PBX1: variants seen among roughly 807,000 people sequenced by gnomAD.
PBX1 encodes pre-B-cell leukemia transcription factor 1.
Under a neutral mutation model 53.4 loss-of-function variants are expected in PBX1, and 6 were observed. The ratio of observed to expected loss-of-function variants is 0.11; its 90% CI spans 0.06 to 0.22. PBX1 has a LOEUF of 0.22. Ranked by LOEUF, PBX1 falls within the 10% of genes least tolerant of loss-of-function variation. The pLI, the probability that PBX1 is intolerant of heterozygous loss-of-function variation, is 1.00. For synonymous variants in PBX1, 204 were observed against 212.3 expected (o/e 0.96, Z 0.34); for missense variants, 251 against 551.4 (o/e 0.46, Z 5.46).
rs74747780 is a variant in PBX1 at position 164,786,681 on chromosome 1, C to CTGTG, written c.266-5776_266-5773dup. Reference sequence around the variant, plus strand: ...GGTGTGCCTTGGGCATCAGAAGAGACTGTGTGTGTGTGTGTGTGTGTGTGT... The same window carrying CTGTG: ...GGTGTGCCTTGGGCATCAGAAGAGACTGTGTGTGTGTGTGTGTGTGTGTGTGTGT... On this transcript the variant is annotated intron_variant, in intron 2 of 8. Transcript: ENST00000420696. Among the ~76,000 whole-genome samples, 874 of 140,582 alleles carry CTGTG rather than the reference C, an allele frequency of 6.2e-3. 4 individuals are homozygous for CTGTG. Among genetic ancestry groups the CTGTG allele is most frequent in the South Asian group, 0.013 (53 of 4,078 alleles). 92.2% of individuals were successfully genotyped at this position (140,582 alleles called of 152,430 possible).
chr1:164,589,760 T>C (rs754700904), intron 2 of PBX1, among the ~76,000 whole-genome samples: 11 of 152,184 alleles, frequency 7.2e-5, no homozygotes, highest in Non-Finnish European at 1.5e-4. Flanking sequence ...GTTCCTAAGA[T>C]TGAATTGCTG....
chr1:164,700,789 T>G (rs1663073891), intron 2 of PBX1: 1 of 952,008 alleles, frequency 1.1e-6, no homozygotes, highest in South Asian at 5.0e-5. Context: ...CTATGACTTT[T>G]TTCACCCATC....
intron 8 of PBX1, among the ~76,000 whole-genome samples, chr1:164,823,633 C>T (rs1199257556): frequency 6.7e-6 from 1 of 149,456 alleles, no homozygotes; most frequent in East Asian, 2.0e-4. Context: ...GGGGGGTCAA[C>T]ACTGACCCCT....
chr1:164,599,146 T>A (rs1040651415), intron 2 of PBX1, among the ~76,000 whole-genome samples: 19 of 151,012 alleles, frequency 1.3e-4, no homozygotes, highest in Non-Finnish European at 2.7e-4. Flanking sequence ...CTCTTTTCAT[T>A]CTCTCCCAAT....
At chr1:164,661,577 C>G (rs1660497485) in intron 2 of PBX1, among the ~76,000 whole-genome samples, 3 of 152,020 alleles carry the variant, frequency 2.0e-5, no homozygotes, top group Admixed American at 6.6e-5. Flanking sequence ...CAGGCCTCCA[C>G]CACCATGCCT....
chr1:164,606,804 A>G (rs1432769020), intron 2 of PBX1, among the ~76,000 whole-genome samples: 2 of 152,254 alleles, frequency 1.3e-5, no homozygotes, highest in African/African-American at 4.8e-5. Flanking sequence ...ATATTTGCAC[A>G]TTTTATAAGA....
intron 2 of PBX1, among the ~76,000 whole-genome samples, chr1:164,775,370 C>T (rs181897767): frequency 2.1e-3 from 327 of 152,184 alleles, no homozygotes; most frequent in Non-Finnish European, 3.8e-3. Context: ...AGGACTATGG[C>T]GGGACAAGTT....
intron 2 of PBX1, among the ~76,000 whole-genome samples, chr1:164,730,358 G>A (rs562043917): frequency 2.6e-5 from 4 of 152,294 alleles, no homozygotes; most frequent in South Asian, 4.2e-4. Context: ...TCATATGGAT[G>A]TCTTGACCTG....
rs76544339 is a variant in PBX1, at chr1:164,695,666, C to G, written c.266-96828C>G. ...TTCCCCGTTGGACTGTAAGTTAATG[C>G]CTTTTCATGTTCTTCTCCCAATTTT... On this transcript the variant is annotated intron_variant, in intron 2 of 8. Coordinates refer to ENST00000420696, the MANE Select transcript of PBX1 (RefSeq NM_002585.4). Among the ~76,000 whole-genome samples, 1,304 of 152,334 alleles carry G rather than the reference C, an allele frequency of 8.6e-3. 24 individuals carry two copies. Among genetic ancestry groups the G allele is most frequent in the African/African-American group, 0.03 (1,244 of 41,576 alleles).
At position 164,850,607 on chromosome 1, in the gene PBX1, A is replaced by G. The variant is rs1395201047; in HGVS notation, c.*3931A>G. The G allele has an allele frequency of 2.1e-5, 4 of 192,604 alleles. No homozygotes were observed. The highest frequency in any genetic ancestry group is 4.3e-5 in the Non-Finnish European group (4 of 92,144). 11.9% of individuals were successfully genotyped at this position (192,604 alleles called of 1,614,324 possible). On this transcript the variant is annotated 3_prime_UTR_variant, in exon 9 of 9. Transcript: ENST00000420696. ...GAAAAGATGACTTGGGCAGAGGAGT[A>G]AGAACAAGTAGGCTTGTTCTTCTAC...
intron 2 of PBX1, among the ~76,000 whole-genome samples, chr1:164,719,534 T>A (rs1664289243): frequency 6.6e-6 from 1 of 152,282 alleles, no homozygotes; most frequent in South Asian, 2.1e-4. Flanking sequence ...GGGGCCTTTT[T>A]AATATTTGTG....
intron 2 of PBX1, among the ~76,000 whole-genome samples, chr1:164,644,896 C>T (rs1427340988): frequency 6.6e-6 from 1 of 152,190 alleles, no homozygotes; most frequent in Non-Finnish European, 1.5e-5. Context: ...TTCAGCTGCT[C>T]CTCCTCCAGT....
chr1:164,736,229 CATT>C (rs1665262855), intron 2 of PBX1, among the ~76,000 whole-genome samples: 1 of 152,186 alleles, frequency 6.6e-6, no homozygotes, highest in Non-Finnish European at 1.5e-5. Flanking sequence ...AGCCTCAAAT[CATT>C]ATAATTACCA....
chr1:164,776,766 T>G lies in PBX1; in HGVS notation c.266-15728T>G, dbSNP rs1667669048. The stretch of plus-strand genomic sequence containing the variant: ...TTTCTGTGCAATGATTAACTTTCCC[T>G]TCTTTAATTTCAAGAGGTTAATGAA... On this transcript the variant is annotated intron_variant, in intron 2 of 8. Transcript: ENST00000420696. Among the ~76,000 whole-genome samples the G allele has an allele frequency of 6.6e-5, 10 of 152,324 alleles. No homozygotes were observed. In the South Asian group the frequency reaches 2.1e-3, roughly 32 times the overall value.
chr1:164,613,869 C>A (rs578229837), intron 2 of PBX1, among the ~76,000 whole-genome samples: 1 of 152,126 alleles, frequency 6.6e-6, no homozygotes, highest in South Asian at 2.1e-4. Context: ...AGGTAGATTG[C>A]CCCTTCAGCT....
rs866638168 is a variant in PBX1 at position 164,835,246 on chromosome 1, T to G, written c.1201-11338T>G. 8.1e-3 allele frequency among the ~76,000 whole-genome samples: 673 copies of G among 83,244 alleles called. 4 individuals carry two copies. The highest frequency in any genetic ancestry group is 0.032 in the African/African-American group (641 of 20,250). The allele number at this position is 83,244 out of a possible 152,430, so 54.6% of individuals were successfully genotyped here. A position where few individuals can be genotyped will look rare whatever the true frequency, so the allele number is the denominator to read the frequency against. On this transcript the variant is annotated intron_variant, in intron 8 of 8. Transcript: ENST00000420696. ...AAGCTACTTTTGATTTTGGTTTTTTTTTTTTTTTTTTACTATTATTAATAA... is the reference window on the plus strand; with the variant it reads ...AAGCTACTTTTGATTTTGGTTTTTTGTTTTTTTTTTTACTATTATTAATAA...
rs555122544 is a variant in PBX1, at chr1:164,839,886, G to A, written c.1201-6698G>A. Among the ~76,000 whole-genome samples the A allele has an allele frequency of 3.3e-5, 5 of 152,052 alleles. No homozygotes were observed. In the South Asian group the frequency reaches 1.0e-3, roughly 32 times the overall value. ...TGGCATTGATATGAAGCCACCAGGG[G>A]CTGACCTAGTGGTAGGTGGCAATTA... On this transcript the variant is annotated intron_variant, in intron 8 of 8. Coordinates refer to ENST00000420696, the MANE Select transcript of PBX1 (RefSeq NM_002585.4).
chr1:164,810,092 T>TC (rs1302183688), intron 5 of PBX1, among the ~76,000 whole-genome samples: 1 of 152,164 alleles, frequency 6.6e-6, no homozygotes, highest in Non-Finnish European at 1.5e-5. Context: ...ATGGAACTTC[T>TC]CCCCTGCAGC....
chr1:164,812,219 T>C (rs373609044), intron 6 of PBX1, 70 bp downstream of exon 6: 7 of 1,400,822 alleles, frequency 5.0e-6, no homozygotes, highest in South Asian at 1.4e-5. Flanking sequence ...TGTTCCTACA[T>C]TGGGATTTTC....
Sources: allele counts gnomAD v4.1 joint callset (sites outside exome capture counted in the v4.1 genomes callset), GRCh38; gene constraint gnomAD v4.1.1; transcripts MANE v1.5; gene names NCBI Gene and HGNC (gene_info 2026-07-23, HGNC 2026-07-21).